CTNNA3: variants seen among roughly 807,000 people sequenced by gnomAD.
The protein encoded by CTNNA3 is catenin alpha 3.
Under a neutral mutation model 95.7 loss-of-function variants are expected in CTNNA3, and 76 were observed. The observed-to-expected ratio is 0.79, with a 90% CI of 0.66 to 0.96. The LOEUF (loss-of-function observed/expected upper bound fraction) is 0.96, where lower values mean the gene tolerates loss of function less well. CTNNA3 is among the 40% of genes least tolerant of loss of function. The pLI, the probability that CTNNA3 is intolerant of heterozygous loss-of-function variation, is 0.00. For synonymous variants in CTNNA3, 431 were observed against 374.4 expected, an observed-to-expected ratio of 1.15 and a Z score of -1.74; for missense variants, 1,191 against 1,089.8, an observed-to-expected ratio of 1.09 and a Z score of -1.31.
chr10:67,710,927 G>A (rs956863421), intron 1 of CTNNA3, among the ~76,000 whole-genome samples: 22 of 152,184 alleles, frequency 1.4e-4, no homozygotes, highest in Admixed American at 7.9e-4. Flanking sequence ...CCCACGTGTT[G>A]TGGGAGGGAC....
Position 66,610,392 on chromosome 10 carries a change from CTTG to C in CTNNA3, c.1374+11297_1374+11299del, listed in dbSNP as rs1844287699. ...TTAGGTTAGGTGGATGGTCTCTTTC[CTTG>C]TTGTATGAAAGCAACCCTAGACAAT... On this transcript the variant is annotated intron_variant, in intron 10 of 17. Coordinates refer to ENST00000433211, the MANE Select transcript of CTNNA3 (RefSeq NM_013266.4). Among the ~76,000 whole-genome samples, 3 of 152,166 alleles carry C rather than the reference CTTG, an allele frequency of 2.0e-5. No homozygotes were observed. In the South Asian group the frequency reaches 6.2e-4, roughly 32 times the overall value.
At chr10:67,014,960 A>G (rs886104633) in intron 7 of CTNNA3, among the ~76,000 whole-genome samples, 1 of 152,118 alleles carries the variant, frequency 6.6e-6, no homozygotes, top group Non-Finnish European at 1.5e-5. Context: ...ATTTGACTAA[A>G]GAAAATTTGA....
At chr10:67,471,648 GA>G (rs1179529438) in intron 5 of CTNNA3, among the ~76,000 whole-genome samples, 1 of 152,198 alleles carries the variant, frequency 6.6e-6, no homozygotes, top group Non-Finnish European at 1.5e-5. Flanking sequence ...AAGAAAAAGA[GA>G]AAACAGGTTT....
chr10:66,457,157 C>T (rs1294561749), intron 11 of CTNNA3, among the ~76,000 whole-genome samples: 1 of 152,042 alleles, frequency 6.6e-6, no homozygotes, highest in East Asian at 1.9e-4. Context: ...TCTAAGAGTT[C>T]TTAGAGATAA....
At chr10:67,706,788 C>T (rs1268862320) in intron 1 of CTNNA3, among the ~76,000 whole-genome samples, 2 of 152,134 alleles carry the variant, frequency 1.3e-5, no homozygotes, top group African/African-American at 4.8e-5. Context: ...ACCAGTTACA[C>T]ATCCATATGC....
intron 5 of CTNNA3, among the ~76,000 whole-genome samples, chr10:67,324,326 G>C (rs1841452465): frequency 6.6e-6 from 1 of 152,076 alleles, no homozygotes; most frequent in African/African-American, 2.4e-5. Context: ...GGAAATACTA[G>C]AAATGCTTCT....
At chr10:67,728,062 G>A (rs1463394097) in intron 1 of CTNNA3, among the ~76,000 whole-genome samples, 1 of 135,174 alleles carries the variant, frequency 7.4e-6, no homozygotes, top group Non-Finnish European at 1.5e-5. Context: ...ATAATTATAT[G>A]TATATTACAT....
chr10:66,284,090 A>G lies in CTNNA3; in HGVS notation c.1733-3469T>C, dbSNP rs115352516. On this transcript the variant is annotated intron_variant, in intron 12 of 17. Transcript: ENST00000433211. ...GAACTTTGGAGTGTAGATTTATCAAACAAAGGCGGCCTTTTGGTCAACACC... is the reference window on the plus strand; with the variant it reads ...GAACTTTGGAGTGTAGATTTATCAAGCAAAGGCGGCCTTTTGGTCAACACC... Among the ~76,000 whole-genome samples the G allele has an allele frequency of 2.1e-3, 317 of 151,650 alleles. 2 individuals carry two copies. Among genetic ancestry groups the G allele is most frequent in the African/African-American group, 7.4e-3 (305 of 41,418 alleles).
intron 16 of CTNNA3, among the ~76,000 whole-genome samples, chr10:65,985,179 A>G (rs904011347): frequency 3.3e-5 from 5 of 150,960 alleles, no homozygotes; most frequent in African/African-American, 1.2e-4. Flanking sequence ...AACATAGTGA[A>G]CAATAGTAAT....
chr10:67,608,052 T>C (rs1402579582), intron 2 of CTNNA3, among the ~76,000 whole-genome samples: 2 of 152,066 alleles, frequency 1.3e-5, no homozygotes, highest in Non-Finnish European at 2.9e-5. Context: ...AGAGTGGGGA[T>C]CGGGGTGGTC....
At chr10:66,370,821 C>T (rs748547538) in intron 12 of CTNNA3, among the ~76,000 whole-genome samples, 20 of 152,152 alleles carry the variant, frequency 1.3e-4, no homozygotes, top group Admixed American at 2.6e-4. Context: ...GTGATCCTCA[C>T]ACCTCAACCT....
chr10:66,380,100 A>T (rs1448138094), intron 11 of CTNNA3, among the ~76,000 whole-genome samples: 2 of 152,194 alleles, frequency 1.3e-5, no homozygotes, highest in East Asian at 3.9e-4. Flanking sequence ...ACACACACAG[A>T]AAACAATTAT....
chr10:66,257,416 C>T (rs1378452494), intron 13 of CTNNA3, among the ~76,000 whole-genome samples: 2 of 152,184 alleles, frequency 1.3e-5, no homozygotes, highest in African/African-American at 4.8e-5. Context: ...TCCTTTTAGT[C>T]GTGCCAAGCT....
At chr10:66,080,304 C>A (rs2080705416) in intron 14 of CTNNA3, among the ~76,000 whole-genome samples, 1 of 151,894 alleles carries the variant, frequency 6.6e-6, no homozygotes, top group Admixed American at 6.6e-5. Context: ...TTGTAAAATT[C>A]TTCAAAATCA....
chr10:65,963,175 G>T (rs907658070), intron 17 of CTNNA3, among the ~76,000 whole-genome samples: 3 of 150,062 alleles, frequency 2.0e-5, no homozygotes, highest in African/African-American at 7.6e-5. Flanking sequence ...ACTCTCAATT[G>T]CCTACAGGGT....
At chr10:67,332,379 G>A (rs1841826687) in intron 5 of CTNNA3, among the ~76,000 whole-genome samples, 1 of 152,142 alleles carries the variant, frequency 6.6e-6, no homozygotes, top group Non-Finnish European at 1.5e-5. Flanking sequence ...CTTAAAGAAG[G>A]TGAATTAGGA....
chr10:67,353,865 T>A (rs1185968222), intron 5 of CTNNA3, among the ~76,000 whole-genome samples: 2 of 151,990 alleles, frequency 1.3e-5, no homozygotes, highest in Non-Finnish European at 2.9e-5. Flanking sequence ...AGGAAGGTAT[T>A]TTCATTGGAA....
chr10:67,402,506 G>A (rs1844961337), intron 5 of CTNNA3, among the ~76,000 whole-genome samples: 1 of 152,158 alleles, frequency 6.6e-6, no homozygotes, highest in African/African-American at 2.4e-5. Context: ...AGTAAATACA[G>A]CACCTTCAAC....
At chr10:66,672,561 C>T (rs1846702679) in intron 9 of CTNNA3, among the ~76,000 whole-genome samples, 2 of 152,068 alleles carry the variant, frequency 1.3e-5, no homozygotes, top group African/African-American at 4.8e-5. Context: ...ACGACATTGT[C>T]ACTCACAGTT....
Sources: gnomAD v4.1 joint callset for allele counts (sites outside exome capture counted in the v4.1 genomes callset) on GRCh38, gnomAD v4.1.1 for gene constraint, MANE v1.5 for transcripts, NCBI Gene and HGNC (gene_info 2026-07-23, HGNC 2026-07-21) for gene names.